LTBP1: variants seen among roughly 807,000 people sequenced by gnomAD.
LTBP1 encodes the protein latent-transforming growth factor beta-binding protein 1.
A neutral mutation model predicts 207.6 loss-of-function variants in LTBP1; 129 were observed. The ratio of observed to expected loss-of-function variants is 0.62; its 90% CI spans 0.54 to 0.72. LTBP1 has a LOEUF of 0.72. Ranked by LOEUF, LTBP1 falls within the 30% of genes least tolerant of loss-of-function variation. The pLI is 0.00. For synonymous variants in LTBP1, 963 were observed against 833.7 expected (o/e 1.16, Z -2.67); for missense variants, 2,281 against 2,217.2 (o/e 1.03, Z -0.58).
At chr2:33,278,034 G>A (rs1219029495) in intron 18 of LTBP1, among the ~76,000 whole-genome samples, 5 of 150,860 alleles carry the variant, frequency 3.3e-5, no homozygotes, top group African/African-American at 4.9e-5. Context: ...GGGTGTCACC[G>A]TGTTAGCCAG....
intron 2 of LTBP1, among the ~76,000 whole-genome samples, chr2:32,977,466 A>G (rs1206550827): frequency 6.6e-6 from 1 of 152,122 alleles, no homozygotes; most frequent in Non-Finnish European, 1.5e-5. Context: ...GGCTGGAGCA[A>G]TCTTATTGCT....
chr2:33,302,986 A>ACAC, intron 22 of LTBP1, among the ~76,000 whole-genome samples: 1 of 137,658 alleles, frequency 7.3e-6, no homozygotes, highest in African/African-American at 2.8e-5. Context: ...CACACACACA[A>ACAC]ACACACACAA....
chr2:33,118,212 A>ACAAC (rs1472346564), intron 4 of LTBP1, among the ~76,000 whole-genome samples: 9 of 151,836 alleles, frequency 5.9e-5, no homozygotes, highest in East Asian at 1.9e-4. Flanking sequence ...AACAAAAAAA[A>ACAAC]AACAACAAAA....
intron 31 of LTBP1, among the ~76,000 whole-genome samples, chr2:33,370,379 T>A (rs917546943): frequency 2.0e-5 from 3 of 152,216 alleles, no homozygotes; most frequent in Admixed American, 6.5e-5. Context: ...AATGGGCATG[T>A]CAGTTACCTG....
intron 3 of LTBP1, among the ~76,000 whole-genome samples, chr2:33,057,646 G>T (rs867679319): frequency 2.6e-5 from 4 of 152,370 alleles, no homozygotes; most frequent in Admixed American, 2.0e-4. Flanking sequence ...GGGACCTGGC[G>T]CACCCTCTGC....
intron 2 of LTBP1, among the ~76,000 whole-genome samples, chr2:32,967,206 T>C (rs1680138267): frequency 6.6e-6 from 1 of 152,138 alleles, no homozygotes; most frequent in Admixed American, 6.5e-5. Flanking sequence ...TGTGTCTTCT[T>C]TTTTTCTTAG....
intron 3 of LTBP1, among the ~76,000 whole-genome samples, chr2:33,064,748 C>A (rs1018337530): frequency 6.6e-6 from 1 of 152,288 alleles, no homozygotes; most frequent in East Asian, 1.9e-4. Context: ...CTTGAAAAGA[C>A]AGGCCAGAAG....
chr2:33,058,201 A>G (rs2077100466), intron 3 of LTBP1, among the ~76,000 whole-genome samples: 1 of 152,236 alleles, frequency 6.6e-6, no homozygotes, highest in African/African-American at 2.4e-5. Context: ...AAGTATATAG[A>G]AATTCATTAA....
At chr2:33,130,696 A>G (rs1572771790) in intron 4 of LTBP1, among the ~76,000 whole-genome samples, 2 of 152,100 alleles carry the variant, frequency 1.3e-5, no homozygotes, top group African/African-American at 4.8e-5. Context: ...TCTTGGAGGT[A>G]TAAATTTGCA....
chr2:33,219,759 TG>T (rs2090975786), intron 8 of LTBP1, among the ~76,000 whole-genome samples: 1 of 152,186 alleles, frequency 6.6e-6, no homozygotes, highest in Admixed American at 6.5e-5. Context: ...CCCTTCTTTG[TG>T]TATCTTTTGC....
chr2:33,062,677 C>G (rs1203777391), intron 3 of LTBP1, among the ~76,000 whole-genome samples: 2 of 152,168 alleles, frequency 1.3e-5, no homozygotes, highest in Non-Finnish European at 2.9e-5. Context: ...TATGCTAGTA[C>G]AGTAATCGCC....
At chr2:33,283,832 A>G (rs1377416811) in intron 19 of LTBP1, among the ~76,000 whole-genome samples, 1 of 152,206 alleles carries the variant, frequency 6.6e-6, no homozygotes, top group Non-Finnish European at 1.5e-5. Flanking sequence ...TCTATCTCAC[A>G]GGGCTGCCGT....
intron 2 of LTBP1, among the ~76,000 whole-genome samples, chr2:32,997,115 C>T (rs1047958424): frequency 6.6e-6 from 1 of 152,116 alleles, no homozygotes; most frequent in Non-Finnish European, 1.5e-5. Flanking sequence ...GAATTCCTGA[C>T]CTCAAGCGAT....
At chr2:33,146,081 C>G (rs1353412501) in intron 5 of LTBP1, among the ~76,000 whole-genome samples, 1 of 152,148 alleles carries the variant, frequency 6.6e-6, no homozygotes, top group Non-Finnish European at 1.5e-5. Context: ...CTCTTAAAAG[C>G]ACTAAAAGGA....
chr2:33,367,251 A>G (rs577883120), intron 31 of LTBP1, among the ~76,000 whole-genome samples: 1 of 152,306 alleles, frequency 6.6e-6, no homozygotes, highest in East Asian at 1.9e-4. Context: ...GACATATAAC[A>G]ATGTCCACGG....
intron 25 of LTBP1, among the ~76,000 whole-genome samples, chr2:33,346,594 G>T (rs1182603588): frequency 6.6e-6 from 1 of 151,874 alleles, no homozygotes; most frequent in African/African-American, 2.4e-5. Flanking sequence ...TGAGTCAGGA[G>T]AATCACTTGA....
Position 33,252,700 on chromosome 2 carries a change from G to A in LTBP1, c.2023G>A (p.Glu675Lys). 1 of 1,612,702 alleles carries A rather than the reference G, an allele frequency of 6.2e-7. No homozygotes were observed. ...AGCTGATCCCCCTGTGATCTCGGAA[G>A]AGAAAGGGCCCTGTTACCGACTTGT... ...CVPDPPVISE[E>K]KGPCYRLVSS... The change falls in exon 11 of 34, where the codon GAG (glutamate) becomes AAG (lysine). Residue 675 changes from glutamate (E) to lysine (K), a missense_variant. Glu to Lys is a moderately conservative substitution (Grantham distance 56, BLOSUM62 1). This residue lies in a region of LTBP1 where 1,671 missense variants were observed against 1,634.8 expected (regional missense o/e 1.02). Transcript: ENST00000404816.
Position 33,300,369 on chromosome 2 carries a change from A to T in LTBP1, c.3236-82A>T, listed in dbSNP as rs756944842. 383 of 1,397,150 alleles carry T rather than the reference A, an allele frequency of 2.7e-4. 1 individual carries two copies. Among genetic ancestry groups the T allele is most frequent in the Non-Finnish European group, 3.7e-4 (370 of 999,924 alleles). The allele number at this position is 1,397,150 out of a possible 1,614,324, so 86.5% of individuals were successfully genotyped here. ...GAAGTACTATTATTTTTGTTACACT[A>T]ATCCCAGAATGCATTGCAGGGAGCA... is the stretch of plus-strand genomic sequence containing the variant. On this transcript the variant is annotated intron_variant, in intron 20 of 33. Coordinates refer to ENST00000404816, the MANE Select transcript of LTBP1 (RefSeq NM_206943.4).
At chr2:33,018,240 C>T (rs1688661882) in intron 2 of LTBP1, among the ~76,000 whole-genome samples, 1 of 151,610 alleles carries the variant, frequency 6.6e-6, no homozygotes, top group African/African-American at 2.4e-5. Flanking sequence ...AAATGCTAAC[C>T]ATCCATGTCT....
Sources: gnomAD v4.1 joint callset for allele counts (sites outside exome capture counted in the v4.1 genomes callset) on GRCh38, gnomAD v4.1.1 for gene constraint, gnomAD v4.1.1 regional missense constraint, MANE v1.5 for transcripts, NCBI Gene and HGNC (gene_info 2026-07-23, HGNC 2026-07-21) for gene names.